Variants in AGBL4 observed in about 807,000 individuals in gnomAD.
AGBL4 encodes AGBL carboxypeptidase 4.
In AGBL4, 58 loss-of-function variants were observed where a neutral mutation model predicts 66.4. That is an observed-to-expected ratio of 0.87 (90% CI 0.71 to 1.09). The LOEUF (loss-of-function observed/expected upper bound fraction) is 1.09, where lower values mean the gene tolerates loss of function less well. AGBL4 is among the 50% of genes least tolerant of loss of function. The probability of loss-of-function intolerance (pLI) is 0.00; values close to 1 mark genes in which losing one functional copy is unlikely to be tolerated. For missense variants in AGBL4, 579 were observed against 631.0 expected, an observed-to-expected ratio of 0.92 and a Z score of 0.88; for synonymous variants, 234 against 222.9, an observed-to-expected ratio of 1.05 and a Z score of -0.44.
rs552014235 is a variant in AGBL4 at position 49,201,436 on chromosome 1, C to A, written c.377+44334G>T. ...AAATGACAGTGTTAGGATTTGAATTCTTGACAGGTCAAAAAACTTTCACAA... is the reference window on the plus strand; with the variant it reads ...AAATGACAGTGTTAGGATTTGAATTATTGACAGGTCAAAAAACTTTCACAA... On this transcript the variant is annotated intron_variant, in intron 4 of 13. Transcript: ENST00000371839. Among the ~76,000 whole-genome samples, 111 of 152,258 alleles carry A rather than the reference C, an allele frequency of 7.3e-4. No homozygotes were observed. The Middle Eastern group carries it at 0.01, about 14-fold the overall frequency.
intron 3 of AGBL4, among the ~76,000 whole-genome samples, chr1:49,643,181 C>T (rs1645817743): frequency 1.3e-5 from 2 of 151,676 alleles, no homozygotes; most frequent in Admixed American, 6.6e-5. Flanking sequence ...AAAAATACAC[C>T]AAACGGGACT....
At chr1:48,571,994 G>C (rs531410391) in intron 11 of AGBL4, among the ~76,000 whole-genome samples, 49 of 152,288 alleles carry the variant, frequency 3.2e-4, no homozygotes, top group South Asian at 1.2e-3. Context: ...TGAAGGTCAA[G>C]TCCCCAATTT....
At chr1:48,915,901 T>G (rs1570992271) in intron 5 of AGBL4, among the ~76,000 whole-genome samples, 1 of 152,148 alleles carries the variant, frequency 6.6e-6, no homozygotes, top group Non-Finnish European at 1.5e-5. Context: ...AAATTAAATT[T>G]TTCTCTCTGA....
intron 2 of AGBL4, among the ~76,000 whole-genome samples, chr1:49,730,372 C>G (rs1164412395): frequency 6.6e-6 from 1 of 152,178 alleles, no homozygotes; most frequent in East Asian, 1.9e-4. Flanking sequence ...GTTACATGCT[C>G]CCATTCACCA....
At chr1:49,763,923 C>T (rs545722153) in intron 2 of AGBL4, among the ~76,000 whole-genome samples, 1 of 152,160 alleles carries the variant, frequency 6.6e-6, no homozygotes, top group Non-Finnish European at 1.5e-5. Flanking sequence ...ACATGAGACC[C>T]CCATGCCCCT....
chr1:48,726,611 A>T (rs1329403560), intron 6 of AGBL4, among the ~76,000 whole-genome samples: 1 of 152,194 alleles, frequency 6.6e-6, no homozygotes, highest in East Asian at 1.9e-4. Flanking sequence ...TACTGATAAG[A>T]ACTCTGAGAA....
intron 3 of AGBL4, among the ~76,000 whole-genome samples, chr1:49,494,381 C>T (rs1386765456): frequency 6.6e-6 from 1 of 151,898 alleles, no homozygotes; most frequent in Admixed American, 6.6e-5. Flanking sequence ...CCCACTAACT[C>T]GTCATCTAGC....
chr1:49,348,981 T>C (rs1403031407), intron 3 of AGBL4, among the ~76,000 whole-genome samples: 2 of 152,192 alleles, frequency 1.3e-5, no homozygotes, highest in Non-Finnish European at 2.9e-5. Flanking sequence ...TAAAAAATAA[T>C]ATTTAAAATG....
At chr1:49,719,672 T>C (rs1482440672) in intron 2 of AGBL4, among the ~76,000 whole-genome samples, 2 of 152,108 alleles carry the variant, frequency 1.3e-5, no homozygotes, top group Non-Finnish European at 2.9e-5. Context: ...GAAAAAGCCT[T>C]TTATGTGATT....
intron 5 of AGBL4, among the ~76,000 whole-genome samples, chr1:48,882,483 G>A (rs1428677761): frequency 1.3e-5 from 2 of 152,022 alleles, no homozygotes; most frequent in African/African-American, 2.4e-5. Flanking sequence ...GATATGTAGT[G>A]TGTTAGTCCA....
intron 5 of AGBL4, among the ~76,000 whole-genome samples, chr1:48,951,204 A>G (rs1656956857): frequency 6.6e-6 from 1 of 152,164 alleles, no homozygotes; most frequent in Non-Finnish European, 1.5e-5. Flanking sequence ...GTGGACTGGC[A>G]TGGTCAGCAA....
At chr1:49,620,999 A>G (rs140373162) in intron 3 of AGBL4, among the ~76,000 whole-genome samples, 4 of 152,296 alleles carry the variant, frequency 2.6e-5, no homozygotes, top group African/African-American at 9.6e-5. Flanking sequence ...TTTACTGCCT[A>G]CAAAGCTAGT....
chr1:49,475,297 A>G (rs1165555006), intron 3 of AGBL4, among the ~76,000 whole-genome samples: 1 of 152,004 alleles, frequency 6.6e-6, no homozygotes, highest in Non-Finnish European at 1.5e-5. Flanking sequence ...CCACTTCATC[A>G]GGGTGAATAA....
intron 3 of AGBL4, among the ~76,000 whole-genome samples, chr1:49,645,912 GA>G (rs200013166): frequency 3.4e-5 from 5 of 148,258 alleles, no homozygotes; most frequent in South Asian, 2.1e-4. Flanking sequence ...AACTAAAAAA[GA>G]AAAAAAAACC....
chr1:48,836,420 T>C (rs1280167517), intron 6 of AGBL4, among the ~76,000 whole-genome samples: 1 of 152,088 alleles, frequency 6.6e-6, no homozygotes, highest in East Asian at 1.9e-4. Flanking sequence ...TTCTTCTTTA[T>C]ACTCCAAATG....
At chr1:49,419,325 T>C (rs1645493677) in intron 3 of AGBL4, among the ~76,000 whole-genome samples, 1 of 152,132 alleles carries the variant, frequency 6.6e-6, no homozygotes, top group Admixed American at 6.5e-5. Flanking sequence ...AAATATAATA[T>C]TACAGTAGCT....
chr1:49,484,218 A>G (rs1362106456), intron 3 of AGBL4, among the ~76,000 whole-genome samples: 1 of 152,010 alleles, frequency 6.6e-6, no homozygotes, highest in Non-Finnish European at 1.5e-5. Flanking sequence ...AGATAGAGCT[A>G]TGTTATGATC....
rs376976807 is a variant in AGBL4, at chr1:48,983,202, A to T, written c.594+62382T>A. On this transcript the variant is annotated intron_variant, in intron 5 of 13. Transcript: ENST00000371839. ...GAAAGCCAAGAACATTCTAATACTT[A>T]AAAAAAACCCTAAAATTCCATTTAA... is the stretch of plus-strand genomic sequence containing the variant. Among the ~76,000 whole-genome samples the T allele has an allele frequency of 2.8e-4, 43 of 151,904 alleles. 1 individual carries two copies. Among genetic ancestry groups the T allele is most frequent in the African/African-American group, 9.2e-4 (38 of 41,448 alleles).
chr1:49,381,255 T>A (rs905787316), intron 3 of AGBL4, among the ~76,000 whole-genome samples: 2 of 152,172 alleles, frequency 1.3e-5, no homozygotes, highest in Non-Finnish European at 2.9e-5. Context: ...ATGCTCACCA[T>A]CACTGGCCAT....
Sources: gnomAD v4.1 joint callset for allele counts (sites outside exome capture counted in the v4.1 genomes callset) on GRCh38, gnomAD v4.1.1 for gene constraint, MANE v1.5 for transcripts, NCBI Gene and HGNC (gene_info 2026-07-23, HGNC 2026-07-21) for gene names.